NRXN1: variants seen among roughly 807,000 people sequenced by gnomAD.
NRXN1 encodes the protein neurexin 1.
A neutral mutation model predicts 150.9 loss-of-function variants in NRXN1; 39 were observed. The observed-to-expected ratio is 0.26, with a 90% confidence interval of 0.20 to 0.34. The LOEUF (loss-of-function observed/expected upper bound fraction) is 0.34, where lower values mean the gene tolerates loss of function less well. NRXN1 is among the 10% of genes least tolerant of loss of function. The pLI is 1.00. For missense variants in NRXN1, 1,815 were observed against 1,949.9 expected (o/e 0.93, Z 1.30); for synonymous variants, 924 against 757.0 (o/e 1.22, Z -3.62).
At chr2:50,182,599 T>C (rs2060804431) in intron 18 of NRXN1, among the ~76,000 whole-genome samples, 1 of 152,060 alleles carries the variant, frequency 6.6e-6, no homozygotes, top group African/African-American at 2.4e-5. Context: ...GTTATTGGAT[T>C]TCTGTTGTTT....
intron 17 of NRXN1, among the ~76,000 whole-genome samples, chr2:50,397,508 G>A (rs942570622): frequency 3.9e-5 from 6 of 152,200 alleles, no homozygotes; most frequent in Admixed American, 3.9e-4. Flanking sequence ...ACAGATGAAC[G>A]GTGGGTACTA....
Position 49,953,906 on chromosome 2 carries a change from C to T in NRXN1, c.4129-10115G>A, listed in dbSNP as rs532772363. Among the ~76,000 whole-genome samples, 7 of 151,968 alleles carry T rather than the reference C, an allele frequency of 4.6e-5. No homozygotes were observed. The East Asian group carries it at 9.7e-4, about 21-fold the overall frequency. On this transcript the variant is annotated intron_variant, in intron 21 of 22. Transcript: ENST00000401669. ...AGCCTTAGGACAAATACCTACTTCACGCGGGGTTTAAAACCTAGATGACAG... is the reference window on the plus strand; with the variant it reads ...AGCCTTAGGACAAATACCTACTTCATGCGGGGTTTAAAACCTAGATGACAG...
intron 17 of NRXN1, among the ~76,000 whole-genome samples, chr2:50,446,015 A>C (rs1321434550): frequency 2.0e-5 from 3 of 152,032 alleles, no homozygotes; most frequent in Non-Finnish European, 2.9e-5. Flanking sequence ...GTTATCCCTC[A>C]CTCATAAAGC....
intron 2 of NRXN1, among the ~76,000 whole-genome samples, chr2:50,999,874 A>C (rs2216308): frequency 0.63 from 95,883 of 151,860 alleles, 30,671 homozygotes; most frequent in East Asian, 0.75. Flanking sequence ...TACAAAGGTT[A>C]CTCTACTGCC....
At chr2:50,144,163 A>T (rs1393074799) in intron 18 of NRXN1, among the ~76,000 whole-genome samples, 2 of 151,894 alleles carry the variant, frequency 1.3e-5, no homozygotes, top group Non-Finnish European at 2.9e-5. Flanking sequence ...TCAGCCCAGG[A>T]GACAGTTTTG....
chr2:50,517,827 G>A (rs1245955266), intron 12 of NRXN1, among the ~76,000 whole-genome samples: 1 of 152,128 alleles, frequency 6.6e-6, no homozygotes, highest in Non-Finnish European at 1.5e-5. Flanking sequence ...TGACCTTGGA[G>A]AGTTGTTGGA....
At chr2:50,098,280 C>CTT (rs1358924445) in intron 18 of NRXN1, among the ~76,000 whole-genome samples, 3 of 152,220 alleles carry the variant, frequency 2.0e-5, no homozygotes, top group Non-Finnish European at 4.4e-5. Flanking sequence ...CCTGGGAAAA[C>CTT]TTTCAATCAA....
At chr2:50,527,379 T>C (rs542369528) in intron 12 of NRXN1, among the ~76,000 whole-genome samples, 8 of 152,122 alleles carry the variant, frequency 5.3e-5, no homozygotes, top group East Asian at 1.9e-4. Flanking sequence ...GGAGAGGAGA[T>C]TACATATATT....
chr2:50,992,517 TA>T (rs147083758), intron 2 of NRXN1, among the ~76,000 whole-genome samples: 1 of 151,778 alleles, frequency 6.6e-6, no homozygotes, highest in African/African-American at 2.4e-5. Context: ...TTAGTGCTTA[TA>T]AAAAGCACAG....
At chr2:49,998,088 G>T (rs17440201) in intron 21 of NRXN1, among the ~76,000 whole-genome samples, 71,375 of 151,882 alleles carry the variant, frequency 0.47, 17,348 homozygotes, top group Middle Eastern at 0.59. Flanking sequence ...AAATTTCAGG[G>T]ACAATAAGAT....
chr2:50,619,003 A>T (rs1679510964), intron 8 of NRXN1: 1 of 152,124 alleles, frequency 6.6e-6, no homozygotes, highest in Admixed American at 6.6e-5. Context: ...ATACATCCAC[A>T]TACTGGGCAA....
At chr2:49,945,480 T>C (rs1672730013) in intron 21 of NRXN1, among the ~76,000 whole-genome samples, 1 of 151,962 alleles carries the variant, frequency 6.6e-6, no homozygotes, top group Non-Finnish European at 1.5e-5. Context: ...GGTGGTTTGC[T>C]GCACCCATCA....
intron 21 of NRXN1, among the ~76,000 whole-genome samples, chr2:49,958,281 C>CT (rs897375491): frequency 1.4e-4 from 22 of 152,244 alleles, no homozygotes; most frequent in African/African-American, 5.1e-4. Context: ...CTAATGACCT[C>CT]TTTTTTTGGT....
chr2:50,976,104 T>G (rs1327807289), intron 2 of NRXN1, among the ~76,000 whole-genome samples: 1 of 152,062 alleles, frequency 6.6e-6, no homozygotes, highest in Non-Finnish European at 1.5e-5. Context: ...CCCTATTTTC[T>G]GATGAGGACT....
chr2:50,184,594 C>T (rs1265798403), intron 18 of NRXN1, among the ~76,000 whole-genome samples: 2 of 151,932 alleles, frequency 1.3e-5, no homozygotes, highest in African/African-American at 2.4e-5. Context: ...AGAAAACATA[C>T]TCCACTATCA....
intron 2 of NRXN1, among the ~76,000 whole-genome samples, chr2:51,027,190 C>T (rs1558611747): frequency 6.6e-6 from 1 of 152,142 alleles, no homozygotes; most frequent in Non-Finnish European, 1.5e-5. Context: ...CAATATAGGG[C>T]CCAACCTGCC....
At chr2:50,079,501 G>A (rs141309288) in intron 19 of NRXN1, among the ~76,000 whole-genome samples, 10 of 151,998 alleles carry the variant, frequency 6.6e-5, no homozygotes, top group Admixed American at 4.6e-4. Context: ...TGCTCTAGGC[G>A]AATTTTCTTT....
chr2:50,565,383 C>A, intron 8 of NRXN1, among the ~76,000 whole-genome samples: 1 of 151,332 alleles, frequency 6.6e-6, no homozygotes, highest in East Asian at 1.9e-4. Context: ...TTATTCACTT[C>A]AATAAAAAAA....
chr2:50,723,309 G>A (rs191813284), intron 5 of NRXN1, among the ~76,000 whole-genome samples: 8 of 152,282 alleles, frequency 5.3e-5, no homozygotes, highest in East Asian at 3.9e-4. Flanking sequence ...AACTGGTCAA[G>A]GATGTCATGT....
Sources: allele counts gnomAD v4.1 joint callset (sites outside exome capture counted in the v4.1 genomes callset), GRCh38; gene constraint gnomAD v4.1.1; transcripts MANE v1.5; gene names NCBI Gene and HGNC (gene_info 2026-07-23, HGNC 2026-07-21).